The following UBE2L3 variants were observed in gnomAD, a reference collection of about 807,000 sequenced individuals.
UBE2L3 encodes ubiquitin conjugating enzyme E2 L3.
A neutral mutation model predicts 17.8 loss-of-function variants in UBE2L3; 1 was observed. The ratio of observed to expected loss-of-function variants is 0.06; its 90% CI spans 0.02 to 0.27. UBE2L3 has a LOEUF of 0.27. UBE2L3 is among the 10% of genes least tolerant of loss of function. The probability of loss-of-function intolerance (pLI) is 1.00; values close to 1 mark genes in which losing one functional copy is unlikely to be tolerated. For synonymous variants in UBE2L3, 44 were observed against 68.5 expected, an observed-to-expected ratio of 0.64 and a Z score of 1.76; for missense variants, 40 against 192.6, an observed-to-expected ratio of 0.21 and a Z score of 4.69.
intron 1 of UBE2L3, 164 bp downstream of exon 1, chr22:21,567,935 G>A: frequency 7.0e-7 from 1 of 1,426,124 alleles, no homozygotes; most frequent in Non-Finnish European, 9.2e-7. Context: ...TAACGGGGCT[G>A]GCCTAGGCCG....
intron 2 of UBE2L3, among the ~76,000 whole-genome samples, chr22:21,595,447 G>A (rs1213314064): frequency 2.6e-5 from 4 of 152,192 alleles, no homozygotes; most frequent in African/African-American, 9.6e-5. Flanking sequence ...GGTCTGCCCA[G>A]TTGGGGTAAA....
chr22:21,568,486 T>A, intron 1 of UBE2L3: 1 of 949,824 alleles, frequency 1.1e-6, no homozygotes, highest in African/African-American at 1.8e-5. Context: ...TAAAGTGCCA[T>A]TTTTGGGGGG....
rs1156968004 is a variant in UBE2L3, at chr22:21,568,690, C to CTG, written c.27+922_27+923dup. On this transcript the variant is annotated intron_variant, in intron 1 of 3. Transcript: ENST00000342192. ...CCTCTGTAGCCCACCCCGCCAGCAT[C>CTG]TGTGAGTCGGCGGCTGGGTAGTGCT... 7.9e-5 allele frequency among the ~76,000 whole-genome samples: 12 copies of CTG among 152,240 alleles called. No homozygotes were observed. In the East Asian group the frequency reaches 2.1e-3, roughly 27 times the overall value.
intron 3 of UBE2L3, among the ~76,000 whole-genome samples, chr22:21,612,401 C>G (rs1479866459): frequency 1.3e-5 from 2 of 152,170 alleles, no homozygotes; most frequent in Non-Finnish European, 2.9e-5. Context: ...TCTCTGCTCA[C>G]TGCAACCTCC....
intron 1 of UBE2L3, among the ~76,000 whole-genome samples, chr22:21,581,711 A>G (rs1455010105): frequency 6.6e-6 from 1 of 151,986 alleles, no homozygotes; most frequent in African/African-American, 2.4e-5. Context: ...CTGAGGCAGG[A>G]GAATCACTTG....
At chr22:21,612,643 CTTTTTTT>C (rs57678378) in intron 3 of UBE2L3, among the ~76,000 whole-genome samples, 27 of 52,488 alleles carry the variant, frequency 5.1e-4, no homozygotes, top group East Asian at 4.5e-3. Flanking sequence ...CTTTTCTTTT[CTTTTTTT>C]TTTTTTTTTT....
At chr22:21,581,159 A>G (rs1601405901) in intron 1 of UBE2L3, among the ~76,000 whole-genome samples, 1 of 151,792 alleles carries the variant, frequency 6.6e-6, no homozygotes, top group Non-Finnish European at 1.5e-5. Context: ...GGTTCAAACA[A>G]TTCTCCCACC....
At chr22:21,561,869 T>C (rs1378981259) in intron 1 of UBE2L3, among the ~76,000 whole-genome samples, 9 of 151,966 alleles carry the variant, frequency 5.9e-5, no homozygotes, top group Non-Finnish European at 1.3e-4. Flanking sequence ...CCCAGCTTCC[T>C]AGCCCAGTGA....
chr22:21,592,165 G>A (rs1928298553), intron 1 of UBE2L3, among the ~76,000 whole-genome samples: 2 of 152,038 alleles, frequency 1.3e-5, no homozygotes, highest in Non-Finnish European at 2.9e-5. Context: ...TATTTGCAAG[G>A]GGTCCTGTTG....
At position 21,610,890 on chromosome 22, in the gene UBE2L3, A is replaced by G. The variant is rs971968412; in HGVS notation, c.157A>G (p.Ile53Val). Residue 53 changes from isoleucine (I) to valine (V), a missense_variant, in exon 3 of 4, where the codon ATC becomes GTC. Coordinates refer to ENST00000342192, the MANE Select transcript of UBE2L3 (RefSeq NM_003347.4). ...TCCATATGATAAGGGAGCCTTCAGA[A>G]TCGAAATCAACTTTCCAGCAGAGTA... is the stretch of plus-strand genomic sequence containing the variant. ...NPPYDKGAFR[I>V]EINFPAEYPF... 5.6e-6 allele frequency: 9 copies of G among 1,612,296 alleles called. No individual in the cohort carries two copies. Among genetic ancestry groups the G allele is most frequent in the Non-Finnish European group, 7.6e-6 (9 of 1,179,300 alleles).
intron 3 of UBE2L3, chr22:21,614,427 C>CA (rs3831682): frequency 0.054 from 23,177 of 427,016 alleles, 132 homozygotes; most frequent in South Asian, 0.13. Flanking sequence ...CCGTCTGTAC[C>CA]AAAAAAAAAA....
intron 2 of UBE2L3, among the ~76,000 whole-genome samples, chr22:21,600,471 G>A (rs906771519): frequency 2.0e-5 from 3 of 152,220 alleles, no homozygotes; most frequent in Admixed American, 2.0e-4. Context: ...CAGGGGAGGC[G>A]GATCACTTGA....
At chr22:21,606,532 C>T (rs1929184203) in intron 2 of UBE2L3, among the ~76,000 whole-genome samples, 1 of 152,132 alleles carries the variant, frequency 6.6e-6, no homozygotes, top group Non-Finnish European at 1.5e-5. Flanking sequence ...CTTCCCCCCA[C>T]CACCACCACC....
Position 21,568,470 on chromosome 22 carries a change from C to T in UBE2L3, c.27+699C>T, listed in dbSNP as rs373271896. On this transcript the variant is annotated intron_variant, in intron 1 of 3. Coordinates refer to ENST00000342192, the MANE Select transcript of UBE2L3 (RefSeq NM_003347.4). ...CCACTCAGTCATCCCGATCTCCCCT[C>T]CCTGATAAAGTGCCATTTTTGGGGG... The T allele has an allele frequency of 1.8e-4, 175 of 980,908 alleles. No individual in the cohort carries two copies. In the African/African-American group the frequency reaches 3.0e-3, roughly 17 times the overall value. 60.8% of individuals were successfully genotyped at this position (980,908 alleles called of 1,614,324 possible). A position where few individuals can be genotyped will look rare whatever the true frequency, so the allele number is the denominator to read the frequency against.
rs375210496 is a variant in UBE2L3 at position 21,612,317 on chromosome 22, TTTTTC to T, written c.310+1294_310+1298del. ...GACACAGTTCTTCTCAGTGCCTGGT[TTTTTC>T]TTTTCTTTTCTTTTCTTTTTTGGAA... On this transcript the variant is annotated intron_variant, in intron 3 of 3. Transcript: ENST00000342192. Among the ~76,000 whole-genome samples, 235 of 152,122 alleles carry T rather than the reference TTTTTC, an allele frequency of 1.5e-3. 1 individual carries two copies. The highest frequency in any genetic ancestry group is 6.8e-3 in the Middle Eastern group (2 of 294).
intron 1 of UBE2L3, among the ~76,000 whole-genome samples, chr22:21,582,996 T>C (rs1927729882): frequency 6.6e-6 from 1 of 152,150 alleles, no homozygotes; most frequent in African/African-American, 2.4e-5. Context: ...ATCTAAGCCC[T>C]TCCCCTGCCT....
chr22:21,592,718 A>C (rs1198326491), intron 1 of UBE2L3, 143 bp from the exon 2 acceptor site: 8 of 683,032 alleles, frequency 1.2e-5, no homozygotes, highest in East Asian at 5.4e-5. Flanking sequence ...CTCCTTAACC[A>C]CTCCAAGCAC....
chr22:21,555,404 C>T (rs1397910283), intron 1 of UBE2L3: 1 of 152,938 alleles, frequency 6.5e-6, no homozygotes, highest in African/African-American at 2.4e-5. Context: ...GGGCAGGTCA[C>T]CTGAGGTCAG....
At chr22:21,568,137 G>A in intron 1 of UBE2L3, 1 of 1,036,000 alleles carries the variant, frequency 9.7e-7, no homozygotes, top group East Asian at 7.7e-5. Flanking sequence ...TTCGGGGAAG[G>A]CCCGAGCGCC....
Sources: gnomAD v4.1 joint callset for allele counts (sites outside exome capture counted in the v4.1 genomes callset) on GRCh38, gnomAD v4.1.1 for gene constraint, MANE v1.5 for transcripts, NCBI Gene and HGNC (gene_info 2026-07-23, HGNC 2026-07-21) for gene names.